Variants in RHBDD1 observed in about 807,000 individuals in gnomAD.
RHBDD1 encodes rhomboid domain containing 1.
In RHBDD1, 38 loss-of-function variants were observed where a neutral mutation model predicts 36.3. The observed-to-expected ratio is 1.05, with a 90% CI of 0.81 to 1.37. The LOEUF (loss-of-function observed/expected upper bound fraction) is 1.37. RHBDD1 is among the 40% of genes most tolerant of loss of function. RHBDD1 has a pLI of 0.00. For missense variants in RHBDD1, 393 were observed against 377.6 expected (o/e 1.04, Z -0.34); for synonymous variants, 151 against 136.5 (o/e 1.11, Z -0.74).
intron 8 of RHBDD1, among the ~76,000 whole-genome samples, chr2:226,948,100 A>G (rs200500852): frequency 1.3e-5 from 2 of 151,772 alleles, no homozygotes; most frequent in East Asian, 3.9e-4. Context: ...TCATGCTGCT[A>G]TAAAGACACA....
chr2:226,821,378 A>T, the RHBDD1 span, among the ~76,000 whole-genome samples: 1 of 152,088 alleles, frequency 6.6e-6, no homozygotes, highest in African/African-American at 2.4e-5. Flanking sequence ...ATATTAAATT[A>T]AAAAAACTAA....
At chr2:226,879,809 C>T (rs1269047552) in intron 5 of RHBDD1, among the ~76,000 whole-genome samples, 2 of 152,066 alleles carry the variant, frequency 1.3e-5, no homozygotes, top group African/African-American at 4.8e-5. Flanking sequence ...AGAAGAGAAA[C>T]CTCCTTCAAC....
rs993784235 is a variant in RHBDD1, at chr2:226,854,892, A to G, written c.-90-9712A>G. Among the ~76,000 whole-genome samples the G allele has an allele frequency of 7.9e-5, 12 of 152,210 alleles. 1 individual carries two copies. The highest frequency in any genetic ancestry group is 6.5e-4 in the Admixed American group (10 of 15,286). On this transcript the variant is annotated intron_variant, in intron 3 of 8. Coordinates refer to ENST00000392062, the MANE Select transcript of RHBDD1 (RefSeq NM_001167608.3). Reference sequence around the variant, plus strand: ...ATTGAGTCAGGTGCTGTGTAAGTAGACTAGGGGAAGAGTGTAAGGTGATAA... The same window carrying G: ...ATTGAGTCAGGTGCTGTGTAAGTAGGCTAGGGGAAGAGTGTAAGGTGATAA...
At position 226,998,232 on chromosome 2, in the gene RHBDD1, T is replaced by C. The variant is rs1245724704; in HGVS notation, c.*2710T>C. 6.6e-6 allele frequency: 1 copy of C among 152,208 alleles called. No homozygotes were observed. Among genetic ancestry groups the C allele is most frequent in the African/African-American group, 2.4e-5 (1 of 41,450 alleles). The allele number at this position is 152,208 out of a possible 1,614,324, so 9.4% of individuals were successfully genotyped here. On this transcript the variant is annotated 3_prime_UTR_variant, in exon 9 of 9. Coordinates refer to ENST00000392062, the MANE Select transcript of RHBDD1 (RefSeq NM_001167608.3). ...TGTATTGCCTGTGATTCCAAAGTTG[T>C]ACATAATTGTTCAGACCTCCTCCAT...
intron 5 of RHBDD1, among the ~76,000 whole-genome samples, chr2:226,869,615 G>A (rs904317935): frequency 3.3e-5 from 5 of 152,182 alleles, no homozygotes; most frequent in Non-Finnish European, 7.4e-5. Flanking sequence ...GAAAGCCACG[G>A]AATTAGTAAT....
At chr2:226,931,952 C>A (rs923247346) in intron 8 of RHBDD1, among the ~76,000 whole-genome samples, 2 of 151,914 alleles carry the variant, frequency 1.3e-5, no homozygotes, top group Admixed American at 6.6e-5. Context: ...GTTTTTCAAT[C>A]CATGAATATG....
At chr2:226,821,599 C>A in the RHBDD1 span, among the ~76,000 whole-genome samples, 1 of 151,788 alleles carries the variant, frequency 6.6e-6, no homozygotes, top group African/African-American at 2.4e-5. Flanking sequence ...GACATCATAA[C>A]ACAAAATATA....
chr2:226,954,300 G>A (rs1261846958), intron 8 of RHBDD1, among the ~76,000 whole-genome samples: 1 of 152,096 alleles, frequency 6.6e-6, no homozygotes, highest in Non-Finnish European at 1.5e-5. Flanking sequence ...TCTGAATATT[G>A]ATATTTCTTA....
intron 3 of RHBDD1, among the ~76,000 whole-genome samples, chr2:226,843,670 C>T (rs369443281): frequency 6.6e-6 from 1 of 152,124 alleles, no homozygotes; most frequent in African/African-American, 2.4e-5. Context: ...ATGCAGTTTG[C>T]CAGTATTTTG....
chr2:226,812,272 C>G, the RHBDD1 span, among the ~76,000 whole-genome samples: 1 of 152,182 alleles, frequency 6.6e-6, no homozygotes. Flanking sequence ...AATGTTTGTA[C>G]AACTTCTCTG....
rs147076932 is a variant in RHBDD1, at chr2:226,965,727, C to T, written c.857-29704C>T. Among the ~76,000 whole-genome samples the T allele has an allele frequency of 2.6e-3, 398 of 152,126 alleles. 4 individuals carry two copies. The South Asian group carries it at 0.042, about 16-fold the overall frequency. ...ATACATTGAGAGAATTAGTAGAGCT[C>T]CATGTGCCATCATCCTGGAGCCCTG... On this transcript the variant is annotated intron_variant, in intron 8 of 8. Transcript: ENST00000392062.
chr2:226,989,903 T>C (rs978561065), intron 8 of RHBDD1, among the ~76,000 whole-genome samples: 4 of 152,222 alleles, frequency 2.6e-5, no homozygotes, highest in African/African-American at 9.6e-5. Context: ...CAAGGCTTCT[T>C]GTTTTGAGAT....
At chr2:226,861,686 G>A (rs1000204134) in intron 3 of RHBDD1, among the ~76,000 whole-genome samples, 81 of 152,186 alleles carry the variant, frequency 5.3e-4, no homozygotes, top group African/African-American at 1.8e-3. Flanking sequence ...CCTGTTAAAG[G>A]TAATAATGTT....
chr2:226,968,848 C>G (rs2149314362), intron 8 of RHBDD1: 1 of 152,332 alleles, frequency 6.6e-6, no homozygotes, highest in African/African-American at 2.4e-5. Context: ...AACCTCAGCT[C>G]TCAATTTCCT....
chr2:226,845,138 G>C (rs1326953159), intron 3 of RHBDD1, among the ~76,000 whole-genome samples: 2 of 151,932 alleles, frequency 1.3e-5, no homozygotes, highest in African/African-American at 4.8e-5. Flanking sequence ...CATAATTTCT[G>C]CTTTCAGGTT....
chr2:226,801,683 G>T, the RHBDD1 span, among the ~76,000 whole-genome samples: 5 of 152,172 alleles, frequency 3.3e-5, no homozygotes, highest in African/African-American at 9.7e-5. Context: ...GCAGATATTT[G>T]GAAATGGAAG....
At chr2:226,933,424 A>G (rs904812358) in intron 8 of RHBDD1, among the ~76,000 whole-genome samples, 4 of 152,210 alleles carry the variant, frequency 2.6e-5, no homozygotes, top group African/African-American at 9.6e-5. Flanking sequence ...TGAGGTTCTG[A>G]GAAAACCTGA....
At chr2:226,873,952 A>G (rs2125321557) in intron 5 of RHBDD1, among the ~76,000 whole-genome samples, 1 of 152,274 alleles carries the variant, frequency 6.6e-6, no homozygotes, top group Non-Finnish European at 1.5e-5. Flanking sequence ...ATGGCTGAGG[A>G]GGCCTCAGGA....
chr2:226,833,790 C>A (rs1223479319), upstream of RHBDD1, among the ~76,000 whole-genome samples: 1 of 151,998 alleles, frequency 6.6e-6, no homozygotes, highest in Non-Finnish European at 1.5e-5. Context: ...GATGCTGCTG[C>A]TGATTGCTTC....
Sources: allele counts gnomAD v4.1 joint callset (sites outside exome capture counted in the v4.1 genomes callset), GRCh38; gene constraint gnomAD v4.1.1; transcripts MANE v1.5; gene names NCBI Gene and HGNC (gene_info 2026-07-23, HGNC 2026-07-21).